The following NXN variants were observed in gnomAD, a reference collection of about 807,000 sequenced individuals.
NXN encodes nucleoredoxin.
NXN carries 16 observed loss-of-function variants against 48.6 expected under a neutral mutation model. The ratio of observed to expected loss-of-function variants is 0.33; its 90% CI spans 0.22 to 0.50. The LOEUF is 0.50. NXN is among the 20% of genes least tolerant of loss of function. NXN has a pLI of 0.98. For synonymous variants in NXN, 281 were observed against 269.6 expected, an observed-to-expected ratio of 1.04 and a Z score of -0.41; for missense variants, 492 against 605.5, an observed-to-expected ratio of 0.81 and a Z score of 1.97.
intron 1 of NXN, among the ~76,000 whole-genome samples, chr17:940,121 T>G (rs2068954327): frequency 1.4e-5 from 2 of 145,712 alleles, no homozygotes. Context: ...ATTTTTTTGG[T>G]AGAGATCGAG....
At chr17:952,966 A>G (rs1193700919) in intron 1 of NXN, among the ~76,000 whole-genome samples, 2 of 152,138 alleles carry the variant, frequency 1.3e-5, no homozygotes, top group African/African-American at 4.8e-5. Flanking sequence ...TAATACATGA[A>G]AAGCAGTAAC....
At chr17:959,119 G>C in intron 1 of NXN, 4 of 395,696 alleles carry the variant, frequency 1.0e-5, no homozygotes, top group Non-Finnish European at 1.3e-5. Context: ...ATGGCCAGGA[G>C]CTGCTGGGGC....
intron 1 of NXN, among the ~76,000 whole-genome samples, chr17:852,352 A>G (rs1341298878): frequency 6.6e-6 from 1 of 152,160 alleles, no homozygotes; most frequent in Admixed American, 6.5e-5. Flanking sequence ...CCCACTGACC[A>G]GGACGTGGGC....
chr17:868,244 C>T (rs1446150438), intron 1 of NXN, among the ~76,000 whole-genome samples: 1 of 152,096 alleles, frequency 6.6e-6, no homozygotes, highest in African/African-American at 2.4e-5. Flanking sequence ...CGGAATTCCC[C>T]TCTCCTCCAG....
chr17:854,654 CA>C (rs538020306), intron 1 of NXN, among the ~76,000 whole-genome samples: 1,430 of 62,064 alleles, frequency 0.023, 14 homozygotes, highest in African/African-American at 0.071. Flanking sequence ...GACTCTGTCT[CA>C]AAAAAAAAAA....
intron 1 of NXN, among the ~76,000 whole-genome samples, chr17:868,108 G>T (rs779490730): frequency 6.6e-6 from 1 of 152,110 alleles, no homozygotes; most frequent in Non-Finnish European, 1.5e-5. Context: ...CTGGACACTG[G>T]CAAGAGTTCC....
In NXN at chr17:825,794, C is replaced by T. The variant is rs988230159; in HGVS notation, c.478+167G>A. On this transcript the variant is annotated intron_variant, in intron 2 of 7. Transcript: ENST00000336868. This position sits in a 1 kb window ranked among gnomAD's most constrained non-coding sequence, Gnocchi z 4.1. ...CCCTGTGAAAATCTTAAAACCATGTCCTAGGGAATACTATGATTTCACCAA... is the reference window on the plus strand; with the variant it reads ...CCCTGTGAAAATCTTAAAACCATGTTCTAGGGAATACTATGATTTCACCAA... 63 of 597,822 alleles carry T rather than the reference C, an allele frequency of 1.1e-4. No homozygotes were observed. The Middle Eastern group carries it at 1.4e-3, about 13-fold the overall frequency. 37.0% of individuals were successfully genotyped at this position (597,822 alleles called of 1,614,324 possible). A position where few individuals can be genotyped will look rare whatever the true frequency, so the allele number is the denominator to read the frequency against.
intron 1 of NXN, among the ~76,000 whole-genome samples, chr17:977,620 C>T (rs1001250847): frequency 5.3e-5 from 8 of 152,202 alleles, no homozygotes; most frequent in African/African-American, 1.9e-4. Context: ...TAACATTTTA[C>T]CATAATTCTA....
chr17:960,724 C>CA (rs1485404654), intron 1 of NXN, among the ~76,000 whole-genome samples: 5 of 152,070 alleles, frequency 3.3e-5, no homozygotes, highest in Admixed American at 1.3e-4. Context: ...GTGATCCTCT[C>CA]ACCTTGGCCT....
intron 1 of NXN, among the ~76,000 whole-genome samples, chr17:880,348 G>C (rs1175529242): frequency 1.3e-5 from 2 of 152,058 alleles, no homozygotes; most frequent in Non-Finnish European, 1.5e-5. Context: ...CCAGGGCTGG[G>C]GTTTGTGATA....
intron 1 of NXN, among the ~76,000 whole-genome samples, chr17:853,535 G>A (rs1381753060): frequency 6.6e-6 from 1 of 151,284 alleles, no homozygotes; most frequent in African/African-American, 2.4e-5. Flanking sequence ...TGTGTCCCTC[G>A]CCCCAGCTAA....
chr17:964,208 G>A (rs1164225687), intron 1 of NXN, among the ~76,000 whole-genome samples: 1 of 152,154 alleles, frequency 6.6e-6, no homozygotes, highest in Non-Finnish European at 1.5e-5. Flanking sequence ...CAGCAGGAAA[G>A]CCATAATTTG....
At chr17:950,141 C>G (rs935295092) in intron 1 of NXN, among the ~76,000 whole-genome samples, 1 of 152,162 alleles carries the variant, frequency 6.6e-6, no homozygotes, top group African/African-American at 2.4e-5. Flanking sequence ...ATCCATGGGT[C>G]ACAGCAGGGA....
chr17:889,061 A>C lies in NXN; in HGVS notation c.361-62983T>G, dbSNP rs140008796. The stretch of plus-strand genomic sequence containing the variant: ...CTGGGGGTTCTAAGCCTTACAGCAC[A>C]AAGAGAAAGACACTAATGTTTGTGG... On this transcript the variant is annotated intron_variant, in intron 1 of 7. Coordinates refer to ENST00000336868, the MANE Select transcript of NXN (RefSeq NM_022463.5). Among the ~76,000 whole-genome samples, 512 of 152,302 alleles carry C rather than the reference A, an allele frequency of 3.4e-3. 4 individuals are homozygous for C. Among genetic ancestry groups the C allele is most frequent in the Non-Finnish European group, 4.5e-3 (307 of 68,016 alleles).
intron 1 of NXN, among the ~76,000 whole-genome samples, chr17:947,597 G>A (rs1378065664): frequency 6.6e-6 from 1 of 151,918 alleles, no homozygotes; most frequent in African/African-American, 2.4e-5. Flanking sequence ...GCCGGGAGTG[G>A]TGGCACGTGC....
At chr17:970,458 A>T (rs149133220) in intron 1 of NXN, among the ~76,000 whole-genome samples, 248 of 152,202 alleles carry the variant, frequency 1.6e-3, no homozygotes, top group African/African-American at 5.6e-3. Flanking sequence ...GCCCTTAGAA[A>T]AAAAAACACC....
intron 5 of NXN, among the ~76,000 whole-genome samples, chr17:815,972 C>A (rs1912448463): frequency 6.6e-6 from 1 of 152,122 alleles, no homozygotes; most frequent in South Asian, 2.1e-4. Context: ...ACCATCACCT[C>A]CTGGTGTATA....
In NXN at chr17:924,888, GGCAGGAAGTACAGGTACACAGA is replaced by G. The variant is rs557107044; in HGVS notation, c.360+54409_360+54430del. Among the ~76,000 whole-genome samples, 148 of 152,384 alleles carry G rather than the reference GGCAGGAAGTACAGGTACACAGA, an allele frequency of 9.7e-4. 5 individuals are homozygous for G. The South Asian group carries it at 0.03, about 31-fold the overall frequency. On this transcript the variant is annotated intron_variant, in intron 1 of 7. Transcript: ENST00000336868. ...ACTCAGAAAGGAATGCCCAGGTAAA[GGCAGGAAGTACAGGTACACAGA>G]GCTGGAGACAGGCCTGGGTGGCAAT... is the stretch of plus-strand genomic sequence containing the variant.
intron 1 of NXN, among the ~76,000 whole-genome samples, chr17:976,769 T>C (rs975800036): frequency 2.1e-5 from 2 of 94,052 alleles, no homozygotes. Flanking sequence ...AAATAATTCC[T>C]TTTTTTTTTT....
Sources: gnomAD v4.1 joint callset for allele counts (sites outside exome capture counted in the v4.1 genomes callset) on GRCh38, gnomAD v4.1.1 for gene constraint, Gnocchi (gnomAD v3.1) non-coding constraint, MANE v1.5 for transcripts, NCBI Gene and HGNC (gene_info 2026-07-23, HGNC 2026-07-21) for gene names.